Variants in PTPRN2 observed in about 807,000 individuals in gnomAD.
The protein encoded by PTPRN2 is receptor-type tyrosine-protein phosphatase N2.
In PTPRN2, 74 loss-of-function variants were observed where a neutral mutation model predicts 118.8. That is an observed-to-expected ratio of 0.62 (90% confidence interval 0.52 to 0.76). The LOEUF is 0.76. Ranked by LOEUF, PTPRN2 falls within the 30% of genes least tolerant of loss-of-function variation. PTPRN2 has a pLI of 0.00. For missense variants in PTPRN2, 1,481 were observed against 1,394.4 expected, an observed-to-expected ratio of 1.06 and a Z score of -0.99; for synonymous variants, 641 against 608.0, an observed-to-expected ratio of 1.05 and a Z score of -0.80.
chr7:157,718,933 C>T (rs138179924), intron 12 of PTPRN2, among the ~76,000 whole-genome samples: 3,397 of 152,282 alleles, frequency 0.022, 61 homozygotes, highest in Non-Finnish European at 0.036. Context: ...CTGTAGCCTG[C>T]CATGCCCCAC....
rs181770638 is a variant in PTPRN2, at chr7:158,124,047, G to A, written c.1556+9630C>T. On this transcript the variant is annotated intron_variant, in intron 9 of 22. Transcript: ENST00000389418. ...CTGATTCGACCTCAGATCCCGTGCCGACATGGACCACCAAGTTACCATGGG... is the reference window on the plus strand; with the variant it reads ...CTGATTCGACCTCAGATCCCGTGCCAACATGGACCACCAAGTTACCATGGG... Among the ~76,000 whole-genome samples, 488 of 152,296 alleles carry A rather than the reference G, an allele frequency of 3.2e-3. 1 individual carries two copies. The highest frequency in any genetic ancestry group is 4.8e-3 in the Non-Finnish European group (329 of 68,028).
chr7:157,859,960 A>ACC (rs1810098503), intron 12 of PTPRN2, among the ~76,000 whole-genome samples: 4 of 94,922 alleles, frequency 4.2e-5, no homozygotes, highest in South Asian at 3.9e-4. Context: ...CAGCCACTGT[A>ACC]CACACTCCTG....
intron 3 of PTPRN2, among the ~76,000 whole-genome samples, chr7:158,257,752 C>T (rs977515722): frequency 3.9e-5 from 6 of 152,370 alleles, no homozygotes; most frequent in East Asian, 1.9e-4. Context: ...AGCCCCACGG[C>T]GCTGACCTGG....
At chr7:157,548,207 C>T (rs985638749) in intron 22 of PTPRN2, among the ~76,000 whole-genome samples, 2 of 152,136 alleles carry the variant, frequency 1.3e-5, no homozygotes, top group African/African-American at 4.8e-5. Flanking sequence ...CAGAGTGAGA[C>T]TCTGTCTCAG....
At chr7:158,079,713 G>A (rs562555088) in intron 11 of PTPRN2, among the ~76,000 whole-genome samples, 2 of 152,316 alleles carry the variant, frequency 1.3e-5, no homozygotes, top group East Asian at 1.9e-4. Context: ...TAGAGCAAGC[G>A]AAACAGATGC....
At chr7:158,514,875 C>A (rs1490985429) in intron 1 of PTPRN2, among the ~76,000 whole-genome samples, 2 of 152,210 alleles carry the variant, frequency 1.3e-5, no homozygotes, top group Non-Finnish European at 2.9e-5. Flanking sequence ...CTCAAAGTCA[C>A]TGGCACGTGT....
In PTPRN2 at chr7:158,248,663, C is replaced by G. The variant is rs570429965; in HGVS notation, c.278-43390G>C. 8.1e-5 allele frequency among the ~76,000 whole-genome samples: 12 copies of G among 148,306 alleles called. 1 individual carries two copies. The highest frequency in any genetic ancestry group is 6.7e-4 in the Admixed American group (10 of 14,868). ...CACATATGCACACATCACACCCACA[C>G]AGCACATATGTGCATATATACACCA... On this transcript the variant is annotated intron_variant, in intron 3 of 22. Transcript: ENST00000389418.
intron 1 of PTPRN2, among the ~76,000 whole-genome samples, chr7:158,586,322 TTTTG>T (rs1286828917): frequency 1.3e-5 from 2 of 152,164 alleles, no homozygotes; most frequent in African/African-American, 4.8e-5. Flanking sequence ...TCTCTGCAGT[TTTTG>T]TTTGTTTGGG....
intron 12 of PTPRN2, among the ~76,000 whole-genome samples, chr7:157,751,644 A>G (rs1049180944): frequency 6.6e-6 from 1 of 151,834 alleles, no homozygotes; most frequent in African/African-American, 2.4e-5. Context: ...CCCTCAAATG[A>G]CTGTTTAATT....
At chr7:157,688,915 A>G (rs1429461028) in intron 12 of PTPRN2, among the ~76,000 whole-genome samples, 1 of 152,166 alleles carries the variant, frequency 6.6e-6, no homozygotes, top group African/African-American at 2.4e-5. Context: ...CCGGACACAA[A>G]GGCCAAGGGT....
chr7:158,034,749 AAC>A (rs1183594804), intron 11 of PTPRN2, among the ~76,000 whole-genome samples: 1 of 152,178 alleles, frequency 6.6e-6, no homozygotes, highest in East Asian at 1.9e-4. Context: ...CAGTCCCCCA[AAC>A]ACAACAGGGC....
intron 1 of PTPRN2, among the ~76,000 whole-genome samples, chr7:158,508,620 TCGGAGCAGG>T (rs1245899570): frequency 5.6e-5 from 8 of 143,406 alleles, no homozygotes; most frequent in Admixed American, 2.1e-4. Context: ...CGTGGGACGC[TCGGAGCAGG>T]TGCGGAAGTG....
At chr7:158,370,689 T>A (rs1809918647) in intron 2 of PTPRN2, among the ~76,000 whole-genome samples, 4 of 151,708 alleles carry the variant, frequency 2.6e-5, no homozygotes, top group Admixed American at 2.0e-4. Flanking sequence ...GAGGCGGAGC[T>A]TGCAGTGAAC....
intron 1 of PTPRN2, chr7:158,541,784 A>G: frequency 1.0e-6 from 1 of 979,678 alleles, no homozygotes; most frequent in Non-Finnish European, 1.2e-6. Context: ...GGGAAGTATC[A>G]GAGGAGAAGG....
chr7:158,462,387 T>A (rs1235210418), intron 2 of PTPRN2, among the ~76,000 whole-genome samples: 2 of 152,178 alleles, frequency 1.3e-5, no homozygotes, highest in Non-Finnish European at 2.9e-5. Flanking sequence ...TGTGCTGGCA[T>A]CATCTATACC....
intron 12 of PTPRN2, among the ~76,000 whole-genome samples, chr7:157,692,806 C>G (rs1797575097): frequency 6.6e-6 from 1 of 152,044 alleles, no homozygotes. Flanking sequence ...CCCTCTCGTC[C>G]CCCCTGCCCA....
At chr7:158,478,395 G>A (rs1459271437) in intron 2 of PTPRN2, among the ~76,000 whole-genome samples, 3 of 152,308 alleles carry the variant, frequency 2.0e-5, no homozygotes, top group Admixed American at 1.3e-4. Flanking sequence ...TGTGCGTAGG[G>A]TGAGCAATGG....
chr7:158,396,229 C>T (rs1471587775), intron 2 of PTPRN2, among the ~76,000 whole-genome samples: 3 of 152,186 alleles, frequency 2.0e-5, no homozygotes. Context: ...TTGTCAAAGG[C>T]CTTTTGAGCA....
intron 12 of PTPRN2, among the ~76,000 whole-genome samples, chr7:157,802,252 C>T (rs1805359329): frequency 6.6e-6 from 1 of 152,236 alleles, no homozygotes; most frequent in Non-Finnish European, 1.5e-5. Context: ...TCCCCCAGCG[C>T]CAGACCCGGC....
Sources: allele counts gnomAD v4.1 joint callset (sites outside exome capture counted in the v4.1 genomes callset), GRCh38; gene constraint gnomAD v4.1.1; transcripts MANE v1.5; gene names NCBI Gene and HGNC (gene_info 2026-07-23, HGNC 2026-07-21).